The following KCNU1 variants were observed in gnomAD, a reference collection of about 807,000 sequenced individuals.
The protein encoded by KCNU1 is potassium channel subfamily U member 1.
In KCNU1, 93 loss-of-function variants were observed where a neutral mutation model predicts 126.8. The observed-to-expected ratio is 0.73, with a 90% CI of 0.62 to 0.87. The LOEUF (loss-of-function observed/expected upper bound fraction) is 0.87. Among genes scored for constraint, KCNU1 ranks in the 40% least tolerant of loss-of-function variants. KCNU1 has a pLI of 0.00. For synonymous variants in KCNU1, 523 were observed against 494.2 expected, an observed-to-expected ratio of 1.06 and a Z score of -0.77; for missense variants, 1,330 against 1,367.1, an observed-to-expected ratio of 0.97 and a Z score of 0.43.
intron 2 of KCNU1, among the ~76,000 whole-genome samples, chr8:36,798,073 T>C (rs970781788): frequency 4.6e-5 from 7 of 152,236 alleles, no homozygotes; most frequent in East Asian, 1.9e-4. Context: ...AACAGATTTT[T>C]AGTCCAGTTG....
intron 14 of KCNU1, among the ~76,000 whole-genome samples, chr8:36,837,860 C>T (rs1177451364): frequency 1.3e-5 from 2 of 152,178 alleles, no homozygotes; most frequent in Admixed American, 6.6e-5. Context: ...CCATGCTTGC[C>T]TTTCATACAC....
chr8:36,902,391 C>T (rs1807454129), intron 19 of KCNU1, among the ~76,000 whole-genome samples: 1 of 151,904 alleles, frequency 6.6e-6, no homozygotes, highest in Admixed American at 6.6e-5. Context: ...ACTACCAGAC[C>T]AAAGACTCTT....
Position 36,800,090 on chromosome 8 carries a change from A to T in KCNU1, c.316-3937A>T, listed in dbSNP as rs144677140. ...AAATCTCACTAGAAACTCTAATTGTAACTTTAAAATGCTGAATCGTAACAG... is the reference window on the plus strand; with the variant it reads ...AAATCTCACTAGAAACTCTAATTGTTACTTTAAAATGCTGAATCGTAACAG... On this transcript the variant is annotated intron_variant, in intron 2 of 26. Coordinates refer to ENST00000399881, the MANE Select transcript of KCNU1 (RefSeq NM_001031836.3). Among the ~76,000 whole-genome samples, 142 of 152,228 alleles carry T rather than the reference A, an allele frequency of 9.3e-4. 1 individual carries two copies. The highest frequency in any genetic ancestry group is 1.6e-3 in the Non-Finnish European group (108 of 68,030).
At chr8:36,935,118 T>C (rs1010319056) in intron 26 of KCNU1, among the ~76,000 whole-genome samples, 1 of 151,936 alleles carries the variant, frequency 6.6e-6, no homozygotes, top group East Asian at 1.9e-4. Flanking sequence ...AATTCATGAG[T>C]ATAGTGTCTT....
chr8:36,875,304 T>C (rs1806240065), intron 19 of KCNU1, among the ~76,000 whole-genome samples: 1 of 150,668 alleles, frequency 6.6e-6, no homozygotes, highest in South Asian at 2.1e-4. Flanking sequence ...TGTGTATGTA[T>C]ATACACACAT....
intron 18 of KCNU1, among the ~76,000 whole-genome samples, chr8:36,852,770 G>T (rs943669945): frequency 1.1e-4 from 16 of 152,040 alleles, no homozygotes; most frequent in African/African-American, 3.4e-4. Context: ...GTACTAATCT[G>T]TCTTTCATTT....
chr8:36,899,103 T>C (rs1438652041), intron 19 of KCNU1, among the ~76,000 whole-genome samples: 1 of 152,050 alleles, frequency 6.6e-6, no homozygotes, highest in African/African-American at 2.4e-5. Flanking sequence ...CTATACAAAT[T>C]CATAGAAAAA....
intron 22 of KCNU1, among the ~76,000 whole-genome samples, chr8:36,914,018 T>C (rs1203256251): frequency 6.6e-6 from 1 of 152,186 alleles, no homozygotes; most frequent in Non-Finnish European, 1.5e-5. Context: ...TGTATTAATA[T>C]TATAGAAATT....
intron 10 of KCNU1, 127 bp downstream of exon 10, chr8:36,817,887 AAAAAG>A (rs1172209475): frequency 1.3e-5 from 7 of 549,798 alleles, no homozygotes; most frequent in African/African-American, 1.9e-5. Flanking sequence ...AAACAAAACA[AAAAAG>A]AAAAGAAATC....
At chr8:36,890,628 G>C (rs1806925476) in intron 19 of KCNU1, among the ~76,000 whole-genome samples, 1 of 152,014 alleles carries the variant, frequency 6.6e-6, no homozygotes, top group Non-Finnish European at 1.5e-5. Context: ...AGTTACAAAT[G>C]TGGTAGACAT....
chr8:36,823,102 T>C (rs1215764987), intron 10 of KCNU1, among the ~76,000 whole-genome samples: 1 of 152,116 alleles, frequency 6.6e-6, no homozygotes, highest in Admixed American at 6.6e-5. Flanking sequence ...TCAGCAATTG[T>C]TAGGGGATGG....
Position 36,860,050 on chromosome 8 carries a change from G to A in KCNU1, c.1892-4354G>A, listed in dbSNP as rs569680594. 9.6e-4 allele frequency among the ~76,000 whole-genome samples: 145 copies of A among 151,060 alleles called. 1 individual carries two copies. The highest frequency in any genetic ancestry group is 3.4e-3 in the African/African-American group (139 of 41,126). On this transcript the variant is annotated intron_variant, in intron 18 of 26. Coordinates refer to ENST00000399881, the MANE Select transcript of KCNU1 (RefSeq NM_001031836.3). Reference sequence around the variant, plus strand: ...AATAATAATTGAAAGAGAATTCCTAGTAGATTATACTTATTTTAACCCATT... The same window carrying A: ...AATAATAATTGAAAGAGAATTCCTAATAGATTATACTTATTTTAACCCATT...
intron 18 of KCNU1, among the ~76,000 whole-genome samples, chr8:36,858,905 T>G (rs1266266928): frequency 2.0e-5 from 3 of 152,184 alleles, no homozygotes; most frequent in African/African-American, 7.2e-5. Context: ...AATCTTTCAT[T>G]ACTCTTAAAA....
intron 24 of KCNU1, among the ~76,000 whole-genome samples, chr8:36,929,372 A>G (rs1808628135): frequency 1.4e-5 from 2 of 142,914 alleles, no homozygotes; most frequent in Non-Finnish European, 3.0e-5. Context: ...CAACAAACAG[A>G]GTGAGACCCT....
At chr8:36,817,525 A>AAAAAAG (rs1231898699) in intron 9 of KCNU1, 125 bp from the exon 10 acceptor site, 1 of 450,670 alleles carries the variant, frequency 2.2e-6, no homozygotes. Context: ...AAAAAAAAAA[A>AAAAAAG]TCTGGGTGAT....
chr8:36,830,633 G>A (rs558135495), intron 10 of KCNU1, among the ~76,000 whole-genome samples: 13 of 152,150 alleles, frequency 8.5e-5, no homozygotes, highest in African/African-American at 2.2e-4. Flanking sequence ...AGTTAAACGC[G>A]AAACCATGTA....
chr8:36,928,759 T>G (rs1304980777), intron 24 of KCNU1: 3 of 461,148 alleles, frequency 6.5e-6, no homozygotes, highest in Non-Finnish European at 1.2e-5. Flanking sequence ...AGGATATGAG[T>G]CTTATGCAGA....
chr8:36,889,292 A>G (rs962233799), intron 19 of KCNU1: 8 of 526,714 alleles, frequency 1.5e-5, no homozygotes, highest in Admixed American at 1.4e-4. Context: ...GGAATGGTTT[A>G]GAAATTAAAA....
In KCNU1 at chr8:36,936,054, A is replaced by T. The variant is rs761437488; in HGVS notation, c.*134A>T. 1.3e-4 allele frequency: 99 copies of T among 738,770 alleles called. No homozygotes were observed. Among genetic ancestry groups the T allele is most frequent in the Non-Finnish European group, 2.0e-4 (94 of 469,640 alleles). 45.8% of individuals were successfully genotyped at this position (738,770 alleles called of 1,614,324 possible). Reference sequence around the variant, plus strand: ...CATTGCTTAGTGGTTCATGAAGGCCACACTGTTTTGGGTGAGACAAAAGTC... The same window carrying T: ...CATTGCTTAGTGGTTCATGAAGGCCTCACTGTTTTGGGTGAGACAAAAGTC... On this transcript the variant is annotated 3_prime_UTR_variant, in exon 27 of 27. Coordinates refer to ENST00000399881, the MANE Select transcript of KCNU1 (RefSeq NM_001031836.3).
Sources: gnomAD v4.1 joint callset for allele counts (sites outside exome capture counted in the v4.1 genomes callset) on GRCh38, gnomAD v4.1.1 for gene constraint, MANE v1.5 for transcripts, NCBI Gene and HGNC (gene_info 2026-07-23, HGNC 2026-07-21) for gene names.